The following DCDC1 variants were observed in gnomAD, a reference collection of about 807,000 sequenced individuals.
DCDC1 encodes doublecortin domain containing 1.
In DCDC1, 200 loss-of-function variants were observed where a neutral mutation model predicts 178.3. The ratio of observed to expected loss-of-function variants is 1.12; its 90% CI spans 1.00 to 1.26. DCDC1 has a LOEUF of 1.26. Among genes scored for constraint, DCDC1 ranks in the 50% most tolerant of loss-of-function variants. The pLI is 0.00. For missense variants in DCDC1, 1,983 were observed against 1,749.2 expected (o/e 1.13, Z -2.38); for synonymous variants, 690 against 604.8 (o/e 1.14, Z -2.07).
rs771849617 is a variant in DCDC1 at position 31,094,066 on chromosome 11, A to G, written c.2102T>C (p.Val701Ala). 2.6e-6 allele frequency: 2 copies of G among 766,218 alleles called. No individual in the cohort carries two copies. The highest frequency in any genetic ancestry group is 3.4e-5 in the African/African-American group (2 of 59,240). 47.5% of individuals were successfully genotyped at this position (766,218 alleles called of 1,614,324 possible). A position where few individuals can be genotyped will look rare whatever the true frequency, so the allele number is the denominator to read the frequency against. ...CTTAGGTACCTTGGTGATCAGCCAC[A>G]CACTGGCTACAGGCCACAGGATCGA... Reference protein sequence around the residue: ...APSILWPVASVWLITKTGMIL... With the variant: ...APSILWPVASAWLITKTGMIL... Residue 701 changes from valine (V) to alanine (A), a missense_variant, in exon 16 of 39, where the codon GTG becomes GCG. Coordinates refer to ENST00000684477, the MANE Select transcript of DCDC1 (RefSeq NM_001387274.1).
intron 2 of DCDC1, among the ~76,000 whole-genome samples, chr11:31,334,013 A>G (rs1300737602): frequency 1.3e-5 from 2 of 152,320 alleles, no homozygotes; most frequent in Admixed American, 6.5e-5. Flanking sequence ...TTTCAGGCAC[A>G]CCAATCAAAC....
intron 9 of DCDC1, among the ~76,000 whole-genome samples, chr11:31,140,349 C>T (rs1018410547): frequency 3.9e-5 from 6 of 152,006 alleles, no homozygotes; most frequent in Non-Finnish European, 7.4e-5. Context: ...AATCAAATCC[C>T]CACCATGTAG....
chr11:30,888,084 GAAAGAAAGAAAGAAAA>G (rs1565029458), intron 36 of DCDC1, among the ~76,000 whole-genome samples: 6 of 91,240 alleles, frequency 6.6e-5, no homozygotes, highest in East Asian at 2.9e-4. Flanking sequence ...GAGAGAGAGA[GAAAGAAAGAAAGAAAA>G]AGAAAGAAAG....
chr11:31,348,544 C>T (rs567938500), intron 1 of DCDC1, among the ~76,000 whole-genome samples: 1 of 152,256 alleles, frequency 6.6e-6, no homozygotes, highest in South Asian at 2.1e-4. Context: ...TATTTTCTGC[C>T]ACTCAACATG....
chr11:31,025,037 T>C (rs572858169), intron 20 of DCDC1, among the ~76,000 whole-genome samples: 1 of 151,994 alleles, frequency 6.6e-6, no homozygotes, highest in South Asian at 2.1e-4. Flanking sequence ...TTCTGCCATA[T>C]GTATCACTTC....
intron 20 of DCDC1, among the ~76,000 whole-genome samples, chr11:30,958,265 A>G (rs1194064715): frequency 4.6e-5 from 7 of 152,172 alleles, no homozygotes; most frequent in Non-Finnish European, 8.8e-5. Flanking sequence ...GAGGGTATAA[A>G]GCTCGTGAAT....
intron 9 of DCDC1, among the ~76,000 whole-genome samples, chr11:31,166,573 T>G (rs1340898877): frequency 1.3e-5 from 2 of 152,100 alleles, no homozygotes; most frequent in Non-Finnish European, 2.9e-5. Flanking sequence ...AGAGAAAAGA[T>G]GCTGATCTAA....
At chr11:31,088,801 C>T (rs753869920) in intron 17 of DCDC1, among the ~76,000 whole-genome samples, 7 of 152,034 alleles carry the variant, frequency 4.6e-5, no homozygotes, top group African/African-American at 7.3e-5. Flanking sequence ...ACTATAGCCT[C>T]GACCTCCTGC....
intron 9 of DCDC1, among the ~76,000 whole-genome samples, chr11:31,232,843 C>A (rs1975960117): frequency 6.6e-6 from 1 of 152,112 alleles, no homozygotes; most frequent in Non-Finnish European, 1.5e-5. Flanking sequence ...AATCCCAGCA[C>A]TTTGAGAAGC....
intron 27 of DCDC1, among the ~76,000 whole-genome samples, chr11:30,914,338 A>G (rs1945668815): frequency 6.6e-6 from 1 of 152,250 alleles, no homozygotes; most frequent in Non-Finnish European, 1.5e-5. Flanking sequence ...TCTCCTGCCC[A>G]GGCAGGGCTC....
intron 20 of DCDC1, among the ~76,000 whole-genome samples, chr11:30,958,622 C>T (rs1399442481): frequency 6.6e-6 from 1 of 152,084 alleles, no homozygotes; most frequent in East Asian, 1.9e-4. Context: ...CCCAGCATTA[C>T]ATGGTGGTGT....
intron 9 of DCDC1, among the ~76,000 whole-genome samples, chr11:31,188,259 C>T (rs1969741287): frequency 6.6e-6 from 1 of 151,518 alleles, no homozygotes; most frequent in Non-Finnish European, 1.5e-5. Context: ...TGCTCTAAGG[C>T]CCCCCTTCCT....
intron 2 of DCDC1, among the ~76,000 whole-genome samples, chr11:31,333,810 C>T (rs1365612864): frequency 1.3e-5 from 2 of 152,174 alleles, no homozygotes; most frequent in African/African-American, 4.8e-5. Flanking sequence ...CTGCCCTTAA[C>T]ATTTTTTCCT....
rs1335437726 is a variant in DCDC1, at chr11:31,226,498, A to C, written c.1221+14952T>G. 2.6e-5 allele frequency among the ~76,000 whole-genome samples: 4 copies of C among 151,880 alleles called. No individual in the cohort carries two copies. In the East Asian group the frequency reaches 7.7e-4, roughly 29 times the overall value. On this transcript the variant is annotated intron_variant, in intron 9 of 38. Transcript: ENST00000684477. ...AGACACTTCATGATCAAACTGCCAAAAAAAAAAGTGATCAATATAAATTCT... is the reference window on the plus strand; with the variant it reads ...AGACACTTCATGATCAAACTGCCAACAAAAAAAGTGATCAATATAAATTCT...
At chr11:31,305,953 T>C (rs915954562) in intron 5 of DCDC1, among the ~76,000 whole-genome samples, 176 bp from the exon 6 acceptor site, 17 of 152,144 alleles carry the variant, frequency 1.1e-4, no homozygotes, top group African/African-American at 3.6e-4. Context: ...GCATGAAGCA[T>C]ATCTAATTAT....
chr11:31,092,417 C>T (rs1591016107), intron 16 of DCDC1, among the ~76,000 whole-genome samples: 1 of 152,148 alleles, frequency 6.6e-6, no homozygotes, highest in Non-Finnish European at 1.5e-5. Flanking sequence ...AGGCAGCCAT[C>T]ATTTATTAAG....
chr11:31,114,277 A>C (rs1176512144), intron 11 of DCDC1, among the ~76,000 whole-genome samples: 1 of 152,188 alleles, frequency 6.6e-6, no homozygotes, highest in Non-Finnish European at 1.5e-5. Context: ...AAGTGGAAAG[A>C]GACAATAGGG....
chr11:31,343,141 G>A (rs1388012060), intron 1 of DCDC1, among the ~76,000 whole-genome samples: 3 of 152,096 alleles, frequency 2.0e-5, no homozygotes, highest in African/African-American at 4.8e-5. Context: ...GCCGAGTGGT[G>A]CATGCCTGTA....
At chr11:31,057,900 C>T (rs747227787) in intron 20 of DCDC1, among the ~76,000 whole-genome samples, 1 of 152,102 alleles carries the variant, frequency 6.6e-6, no homozygotes, top group African/African-American at 2.4e-5. Context: ...TACAGCAACA[C>T]CCATCATGCT....
Sources: allele counts gnomAD v4.1 joint callset (sites outside exome capture counted in the v4.1 genomes callset), GRCh38; gene constraint gnomAD v4.1.1; transcripts MANE v1.5; gene names NCBI Gene and HGNC (gene_info 2026-07-23, HGNC 2026-07-21).